Variants in ASTN2 observed in about 807,000 individuals in gnomAD.
ASTN2 encodes astrotactin-2.
A neutral mutation model predicts 139.8 loss-of-function variants in ASTN2; 54 were observed. That is an observed-to-expected ratio of 0.39 (90% CI 0.31 to 0.48). ASTN2 has a LOEUF of 0.48. Among genes scored for constraint, ASTN2 ranks in the 20% least tolerant of loss-of-function variants. The pLI is 0.95. For missense variants in ASTN2, 1,565 were observed against 1,725.1 expected, an observed-to-expected ratio of 0.91 and a Z score of 1.64; for synonymous variants, 756 against 719.5, an observed-to-expected ratio of 1.05 and a Z score of -0.81.
chr9:116,921,605 A>AT (rs1180089499), intron 10 of ASTN2, among the ~76,000 whole-genome samples: 12 of 151,580 alleles, frequency 7.9e-5, no homozygotes, highest in African/African-American at 2.9e-4. Context: ...AAAAAAAAAA[A>AT]AGAACTACCC....
chr9:116,575,265 A>C (rs1253363528), intron 19 of ASTN2, among the ~76,000 whole-genome samples: 1 of 152,118 alleles, frequency 6.6e-6, no homozygotes, highest in Non-Finnish European at 1.5e-5. Flanking sequence ...TTACTGATTA[A>C]AAAACTCAAG....
At chr9:117,237,667 G>A (rs1588120509) in intron 2 of ASTN2, among the ~76,000 whole-genome samples, 2 of 152,192 alleles carry the variant, frequency 1.3e-5, no homozygotes, top group Non-Finnish European at 2.9e-5. Context: ...TTTTAGTAGA[G>A]ACAGGATTTC....
intron 20 of ASTN2, among the ~76,000 whole-genome samples, chr9:116,463,371 A>G (rs1482232565): frequency 6.6e-6 from 1 of 152,118 alleles, no homozygotes; most frequent in Non-Finnish European, 1.5e-5. Context: ...TATTCTCCCT[A>G]AGCTGGTTCA....
At chr9:116,552,955 T>A (rs1415173330) in intron 19 of ASTN2, among the ~76,000 whole-genome samples, 1 of 152,142 alleles carries the variant, frequency 6.6e-6, no homozygotes, top group Non-Finnish European at 1.5e-5. Context: ...TGCAGCAAGG[T>A]TGGCTAGCAG....
At chr9:117,019,463 TA>T (rs1272402201) in intron 6 of ASTN2, among the ~76,000 whole-genome samples, 2 of 152,084 alleles carry the variant, frequency 1.3e-5, no homozygotes, top group African/African-American at 4.8e-5. Flanking sequence ...AAATATACAA[TA>T]TTAATACCTG....
intron 20 of ASTN2, among the ~76,000 whole-genome samples, chr9:116,466,997 T>C (rs1848666175): frequency 6.6e-6 from 1 of 152,112 alleles, no homozygotes; most frequent in African/African-American, 2.4e-5. Context: ...CAATGTGGTT[T>C]GGGTGGGACT....
chr9:117,324,244 G>C (rs1188970546), intron 1 of ASTN2, among the ~76,000 whole-genome samples: 3 of 152,186 alleles, frequency 2.0e-5, no homozygotes, highest in African/African-American at 7.2e-5. Context: ...AAGGTGAACA[G>C]ATATGTGAAC....
At chr9:117,205,313 A>G (rs1389815882) in intron 3 of ASTN2, among the ~76,000 whole-genome samples, 1 of 152,106 alleles carries the variant, frequency 6.6e-6, no homozygotes, top group East Asian at 1.9e-4. Context: ...TGAGGTCTAC[A>G]CATACACATC....
chr9:116,529,220 C>T (rs1041760178), intron 19 of ASTN2, among the ~76,000 whole-genome samples: 14 of 152,220 alleles, frequency 9.2e-5, no homozygotes, highest in Middle Eastern at 3.4e-3. Context: ...ATGGAGTACC[C>T]GAGGCCTTGG....
intron 19 of ASTN2, among the ~76,000 whole-genome samples, chr9:116,602,065 A>G (rs1854929224): frequency 6.6e-6 from 1 of 152,252 alleles, no homozygotes; most frequent in South Asian, 2.1e-4. Flanking sequence ...AACCAAGGAC[A>G]GCAAATGTTT....
chr9:117,117,574 A>G (rs1159860148), intron 4 of ASTN2, among the ~76,000 whole-genome samples: 2 of 152,094 alleles, frequency 1.3e-5, no homozygotes, highest in Non-Finnish European at 2.9e-5. Context: ...ACATAGTAGG[A>G]GCTAACAAGT....
chr9:116,458,153 A>C (rs1238728140), intron 20 of ASTN2, among the ~76,000 whole-genome samples: 1 of 149,746 alleles, frequency 6.7e-6, no homozygotes, highest in East Asian at 2.0e-4. Flanking sequence ...AATTAAAAAC[A>C]AAAAAAAAAT....
chr9:117,180,264 C>T (rs1242605182), intron 3 of ASTN2, among the ~76,000 whole-genome samples: 1 of 152,164 alleles, frequency 6.6e-6, no homozygotes, highest in Non-Finnish European at 1.5e-5. Context: ...AGATAAAGTC[C>T]CAGGACCCTG....
chr9:116,472,098 T>C (rs546891930), intron 20 of ASTN2, among the ~76,000 whole-genome samples: 2 of 152,270 alleles, frequency 1.3e-5, no homozygotes, highest in East Asian at 1.9e-4. Context: ...TTCTAACTTA[T>C]ACACCACGAA....
chr9:116,797,037 T>C (rs1487081416), intron 13 of ASTN2, among the ~76,000 whole-genome samples: 1 of 151,816 alleles, frequency 6.6e-6, no homozygotes, highest in Non-Finnish European at 1.5e-5. Context: ...CTCAGACTAG[T>C]CTTGAACTCC....
intron 13 of ASTN2, among the ~76,000 whole-genome samples, chr9:116,762,006 T>A (rs1012415161): frequency 6.6e-6 from 1 of 152,120 alleles, no homozygotes; most frequent in Non-Finnish European, 1.5e-5. Context: ...TTTAATCAGG[T>A]CTGGTCTGTG....
rs979548148 is a variant in ASTN2, at chr9:116,825,420, C to T, written c.2041-4637G>A. 3.9e-5 allele frequency among the ~76,000 whole-genome samples: 6 copies of T among 152,110 alleles called. No individual in the cohort carries two copies. In the East Asian group the frequency reaches 9.6e-4, roughly 24 times the overall value. The stretch of plus-strand genomic sequence containing the variant: ...ATATATAAACAAGTAATAAATTAAC[C>T]AAAACCCCAAAAGAAAAACTAGCCT... On this transcript the variant is annotated intron_variant, in intron 11 of 22. Transcript: ENST00000313400.
At chr9:117,151,183 A>C (rs550219521) in intron 3 of ASTN2, among the ~76,000 whole-genome samples, 1 of 152,242 alleles carries the variant, frequency 6.6e-6, no homozygotes, top group African/African-American at 2.4e-5. Context: ...AAAAAAAACA[A>C]GTAACAAAAA....
At chr9:117,325,051 C>T (rs1828470014) in intron 1 of ASTN2, among the ~76,000 whole-genome samples, 1 of 152,128 alleles carries the variant, frequency 6.6e-6, no homozygotes, top group Non-Finnish European at 1.5e-5. Context: ...ATTTCAGGAG[C>T]ACTGAACTTG....
Sources: gnomAD v4.1 joint callset for allele counts (sites outside exome capture counted in the v4.1 genomes callset) on GRCh38, gnomAD v4.1.1 for gene constraint, MANE v1.5 for transcripts, NCBI Gene and HGNC (gene_info 2026-07-23, HGNC 2026-07-21) for gene names.